The following GLIPR2 variants were observed in gnomAD, a reference collection of about 807,000 sequenced individuals.
The protein encoded by GLIPR2 is GLI pathogenesis related 2.
In GLIPR2, 21 loss-of-function variants were observed where a neutral mutation model predicts 20.4. That is an observed-to-expected ratio of 1.03 (90% CI 0.73 to 1.48). The LOEUF is 1.48. Among genes scored for constraint, GLIPR2 ranks in the 40% most tolerant of loss-of-function variants. GLIPR2 has a pLI of 0.00. For missense variants in GLIPR2, 205 were observed against 200.1 expected (o/e 1.02, Z -0.15); for synonymous variants, 91 against 80.5 (o/e 1.13, Z -0.70).
intron 1 of GLIPR2, among the ~76,000 whole-genome samples, chr9:36,143,738 G>C (rs138353514): frequency 4.1e-4 from 62 of 152,284 alleles, no homozygotes; most frequent in South Asian, 2.9e-3. Context: ...TCTCAGGCCT[G>C]AGTCCCTCCA....
chr9:36,148,716 T>A, intron 3 of GLIPR2, 66 bp downstream of exon 3: 1 of 1,097,328 alleles, frequency 9.1e-7, no homozygotes, highest in Non-Finnish European at 1.4e-6. Flanking sequence ...CCTCCTGAAA[T>A]GCCTCCTGGC....
chr9:36,152,404 G>A (rs1163575219), intron 4 of GLIPR2, among the ~76,000 whole-genome samples: 1 of 152,172 alleles, frequency 6.6e-6, no homozygotes, highest in Non-Finnish European at 1.5e-5. Context: ...GTCCGAGCAA[G>A]TTATTAACTA....
At chr9:36,146,541 C>T (rs1365398797) in intron 1 of GLIPR2, among the ~76,000 whole-genome samples, 1 of 152,176 alleles carries the variant, frequency 6.6e-6, no homozygotes, top group Non-Finnish European at 1.5e-5. Flanking sequence ...ACAATTCCCC[C>T]AGAGACATAT....
intron 1 of GLIPR2, among the ~76,000 whole-genome samples, chr9:36,139,554 G>C (rs1377777287): frequency 2.6e-5 from 4 of 152,314 alleles, no homozygotes; most frequent in Non-Finnish European, 5.9e-5. Context: ...CAGGGCTGCT[G>C]TCTGTGTCTA....
intron 4 of GLIPR2, among the ~76,000 whole-genome samples, chr9:36,161,666 A>G (rs1272253222): frequency 6.6e-6 from 1 of 151,950 alleles, no homozygotes; most frequent in Non-Finnish European, 1.5e-5. Context: ...TGAAAAGGAG[A>G]AGAGTAGGAA....
chr9:36,145,442 T>A (rs755807736), intron 1 of GLIPR2, among the ~76,000 whole-genome samples: 11 of 152,172 alleles, frequency 7.2e-5, no homozygotes, highest in Admixed American at 1.3e-4. Context: ...GTATGGGAGC[T>A]CTTTGAGAGC....
At chr9:36,158,118 ATG>A (rs1825917466) in intron 4 of GLIPR2, among the ~76,000 whole-genome samples, 1 of 152,174 alleles carries the variant, frequency 6.6e-6, no homozygotes, top group South Asian at 2.1e-4. Context: ...CGACCGGGCT[ATG>A]TGACTTTGGG....
At chr9:36,156,109 C>G (rs28513875) in intron 4 of GLIPR2, among the ~76,000 whole-genome samples, 3 of 152,272 alleles carry the variant, frequency 2.0e-5, no homozygotes, top group Middle Eastern at 3.4e-3. Context: ...ACTTGGGAGG[C>G]TGAGGCACAA....
At chr9:36,153,707 C>T (rs1825702050) in intron 4 of GLIPR2, among the ~76,000 whole-genome samples, 1 of 152,024 alleles carries the variant, frequency 6.6e-6, no homozygotes, top group Non-Finnish European at 1.5e-5. Flanking sequence ...TCAAGATCAG[C>T]CTGGCCAACA....
At chr9:36,147,694 G>T in intron 1 of GLIPR2, 92 bp from the exon 2 acceptor site, 4 of 744,530 alleles carry the variant, frequency 5.4e-6, no homozygotes, top group Admixed American at 1.7e-5. Flanking sequence ...ATGGCCTAAG[G>T]TTTGAGCTGG....
At chr9:36,142,277 C>T (rs1053406218) in intron 1 of GLIPR2, among the ~76,000 whole-genome samples, 3 of 152,138 alleles carry the variant, frequency 2.0e-5, no homozygotes, top group Admixed American at 6.5e-5. Context: ...CTCAGTCACC[C>T]GCTGCCTCTT....
intron 1 of GLIPR2, chr9:36,141,779 G>A (rs1272157771): frequency 2.0e-5 from 9 of 452,686 alleles, no homozygotes; most frequent in South Asian, 7.8e-5. Context: ...TCAGTCTCCC[G>A]AGTAGCTGGG....
At chr9:36,156,458 C>T (rs539351413) in intron 4 of GLIPR2, among the ~76,000 whole-genome samples, 1 of 149,230 alleles carries the variant, frequency 6.7e-6, no homozygotes, top group African/African-American at 2.5e-5. Context: ...CCATTTTAAC[C>T]ATTTTAGGTA....
intron 3 of GLIPR2, 86 bp downstream of exon 3, chr9:36,148,736 C>A: frequency 1.2e-6 from 1 of 853,350 alleles, no homozygotes; most frequent in South Asian, 1.4e-5. Flanking sequence ...CCCCAGCACC[C>A]TCGTGGTGTA....
chr9:36,136,787 G>C lies in GLIPR2; in HGVS notation c.9G>C (p.Lys3Asn). 7.7e-7 allele frequency: 1 copy of C among 1,303,852 alleles called. No individual in the cohort carries two copies. Among genetic ancestry groups the C allele is most frequent in the Non-Finnish European group, 9.7e-7 (1 of 1,029,440 alleles). 80.8% of individuals were successfully genotyped at this position (1,303,852 alleles called of 1,614,324 possible). ...AGCGCGCGGAGCCGGCCATGGGCAA[G>C]TCAGGTGAGCCCGCGGGCTCGCCCG... MG[K>N]SASKQFHNEV... Residue 3 changes from lysine to asparagine, a missense_variant, in exon 1 of 5, where the codon AAG becomes AAC. By Grantham distance (94) the Lys-to-Asn change is moderately conservative (BLOSUM62 0). Coordinates refer to ENST00000377960, the MANE Select transcript of GLIPR2 (RefSeq NM_022343.4). The surrounding 1 kb of genome is among the most constrained non-coding windows in gnomAD (Gnocchi z 4.3).
At chr9:36,137,122 A>G (rs1208127133) in intron 1 of GLIPR2, among the ~76,000 whole-genome samples, 1 of 152,210 alleles carries the variant, frequency 6.6e-6, no homozygotes, top group African/African-American at 2.4e-5. Flanking sequence ...AAGTGTGACA[A>G]CAGCTCTCGC....
chr9:36,154,102 C>A (rs1372995295), intron 4 of GLIPR2, among the ~76,000 whole-genome samples: 1 of 51,468 alleles, frequency 1.9e-5, no homozygotes, highest in African/African-American at 5.7e-5. Context: ...TATATCTTTT[C>A]CCCCCCCCTT....
At chr9:36,140,406 A>G (rs932238847) in intron 1 of GLIPR2, among the ~76,000 whole-genome samples, 1 of 152,146 alleles carries the variant, frequency 6.6e-6, no homozygotes, top group Non-Finnish European at 1.5e-5. Context: ...CTTTTATTGA[A>G]GGTTTCCTTC....
At chr9:36,141,124 A>G (rs1246167053) in intron 1 of GLIPR2, among the ~76,000 whole-genome samples, 3 of 152,226 alleles carry the variant, frequency 2.0e-5, no homozygotes, top group Non-Finnish European at 4.4e-5. Context: ...TATATTCCAG[A>G]ACAGTTCGAA....
Sources: gnomAD v4.1 joint callset for allele counts (sites outside exome capture counted in the v4.1 genomes callset) on GRCh38, gnomAD v4.1.1 for gene constraint, Gnocchi (gnomAD v3.1) non-coding constraint, MANE v1.5 for transcripts, NCBI Gene and HGNC (gene_info 2026-07-23, HGNC 2026-07-21) for gene names.